FAM20C: variants seen among roughly 807,000 people sequenced by gnomAD.
FAM20C encodes the protein extracellular serine/threonine protein kinase FAM20C.
FAM20C carries 40 observed loss-of-function variants against 51.5 expected under a neutral mutation model. The ratio of observed to expected loss-of-function variants is 0.78; its 90% CI spans 0.60 to 1.01. The LOEUF (loss-of-function observed/expected upper bound fraction) is 1.01, where lower values mean the gene tolerates loss of function less well. Ranked by LOEUF, FAM20C falls within the 50% of genes least tolerant of loss-of-function variation. The probability of loss-of-function intolerance (pLI) is 0.00; values close to 1 mark genes in which losing one functional copy is unlikely to be tolerated. For synonymous variants in FAM20C, 406 were observed against 380.6 expected, an observed-to-expected ratio of 1.07 and a Z score of -0.78; for missense variants, 861 against 844.7, an observed-to-expected ratio of 1.02 and a Z score of -0.24.
chr7:217,430 T>TTAGGGTAGAGCTGCACTCCAGCCCCTCC (rs1583302465), intron 3 of FAM20C, among the ~76,000 whole-genome samples: 3 of 152,052 alleles, frequency 2.0e-5, no homozygotes, highest in African/African-American at 7.3e-5. Context: ...AGAGCTGCAT[T>TTAGGGTAGAGCTGCACTCCAGCCCCTCC]TGGCTGTTTG....
intron 3 of FAM20C, among the ~76,000 whole-genome samples, chr7:210,207 C>T (rs897012396): frequency 6.6e-6 from 1 of 151,908 alleles, no homozygotes; most frequent in African/African-American, 2.4e-5. Flanking sequence ...CCCCACGGGT[C>T]TCACGGCCCA....
At chr7:258,808 GGA>G in intron 9 of FAM20C, 103 bp downstream of exon 9, 1 of 1,120,528 alleles carries the variant, frequency 8.9e-7, no homozygotes, top group Middle Eastern at 2.9e-4. Context: ...CCATCACATG[GGA>G]GAGAAAAGGC....
In FAM20C at chr7:214,217, C is replaced by T. The variant is rs540663496; in HGVS notation, c.863+5241C>T. 3.1e-4 allele frequency among the ~76,000 whole-genome samples: 47 copies of T among 151,960 alleles called. No individual in the cohort carries two copies. In the East Asian group the frequency reaches 7.0e-3, roughly 23 times the overall value. On this transcript the variant is annotated intron_variant, in intron 3 of 9. Transcript: ENST00000313766. ...ATGCATGCCTGTAATCCCAGCTACTCGGGAGGCTGAGGCAGGAGAATCGCT... is the reference window on the plus strand; with the variant it reads ...ATGCATGCCTGTAATCCCAGCTACTTGGGAGGCTGAGGCAGGAGAATCGCT...
Position 259,911 on chromosome 7 carries a change from G to A in FAM20C, c.1686G>A (p.Glu562=). The A allele has an allele frequency of 6.5e-7, 1 of 1,535,358 alleles. No homozygotes were observed. The highest frequency in any genetic ancestry group is 8.7e-7 in the Non-Finnish European group (1 of 1,146,128). The change falls in exon 10 of 10, where the codon GAG becomes GAA. Residue 562 remains glutamate (E), a synonymous_variant. Transcript: ENST00000313766. The part of the protein sequence containing the change: ...VVLKAVRDCV[E]RNGLHSVVDD... ...TAAAGGCCGTCCGGGACTGCGTGGAGAGGAACGGGCTCCACAGCGTGGTGG... is the reference window on the plus strand; with the variant it reads ...TAAAGGCCGTCCGGGACTGCGTGGAAAGGAACGGGCTCCACAGCGTGGTGG...
Position 193,803 on chromosome 7 carries a change from T to G in FAM20C, c.604T>G (p.Trp202Gly), listed in dbSNP as rs794726946. 8.4e-6 allele frequency: 13 copies of G among 1,555,330 alleles called. No homozygotes were observed. Among genetic ancestry groups the G allele is most frequent in the African/African-American group, 1.4e-5 (1 of 73,390 alleles). Residue 202 changes from tryptophan (W) to glycine (G), a missense_variant and splice_region_variant, in exon 1 of 10, where the codon TGG (tryptophan) becomes GGG (glycine). Trp to Gly is a radical substitution (Grantham distance 184). This residue lies in a region of FAM20C where 561 missense variants were observed against 499.8 expected (regional missense o/e 1.12). Transcript: ENST00000313766. ...LSPKAAENPD[W>G]PHAGAEGAEF... ...CCCCAAAGCGGCGGAGAACCCGGAC[T>G]GGTGAGTGGGGGCTGGCAGGTGCCC... is the stretch of plus-strand genomic sequence containing the variant.
chr7:257,920 A>G (rs1309612348), intron 8 of FAM20C, among the ~76,000 whole-genome samples: 1 of 134,096 alleles, frequency 7.5e-6, no homozygotes, highest in Admixed American at 7.2e-5. Flanking sequence ...GGGTGGACAC[A>G]CTGCCTGGGG....
chr7:250,391 C>T (rs147023320), intron 5 of FAM20C, among the ~76,000 whole-genome samples: 57,513 of 151,946 alleles, frequency 0.38, 10,909 homozygotes, highest in Middle Eastern at 0.44. Context: ...GGGCTCCCTT[C>T]CCTGGCCCAC....
intron 2 of FAM20C, among the ~76,000 whole-genome samples, chr7:208,111 C>T (rs1786522043): frequency 1.3e-5 from 2 of 152,150 alleles, no homozygotes; most frequent in Admixed American, 1.3e-4. Flanking sequence ...CGGGAGGTGC[C>T]ACTCCCCGTT....
At chr7:255,202 C>G (rs368974092) in intron 5 of FAM20C, among the ~76,000 whole-genome samples, 2 of 152,222 alleles carry the variant, frequency 1.3e-5, no homozygotes, top group African/African-American at 2.4e-5. Flanking sequence ...GTGCACCCCC[C>G]GCCAGCAGCG....
intron 3 of FAM20C, among the ~76,000 whole-genome samples, chr7:235,370 C>T (rs1231273065): frequency 2.0e-5 from 3 of 152,110 alleles, no homozygotes; most frequent in Admixed American, 6.5e-5. Context: ...CAGTGGAGCC[C>T]GTGACATGAG....
Position 193,335 on chromosome 7 carries a change from T to A in FAM20C, c.136T>A (p.Cys46Ser). The change falls in exon 1 of 10, where the codon TGT becomes AGT. Residue 46 changes from cysteine (C) to serine (S), a missense_variant. By Grantham distance (112) the Cys-to-Ser change is moderately radical (BLOSUM62 -1). This residue lies in a region of FAM20C where 561 missense variants were observed against 499.8 expected (regional missense o/e 1.12). Coordinates refer to ENST00000313766, the MANE Select transcript of FAM20C (RefSeq NM_020223.4). ...RGARPSGEPG[C>S]SCAQPAAEVA... The stretch of plus-strand genomic sequence containing the variant: ...CGCGCGGCCCTCGGGGGAGCCCGGC[T>A]GTTCGTGCGCGCAGCCCGCCGCCGA... 7.5e-7 allele frequency: 1 copy of A among 1,337,902 alleles called. No individual in the cohort carries two copies. The highest frequency in any genetic ancestry group is 9.6e-7 in the Non-Finnish European group (1 of 1,037,522). 82.9% of individuals were successfully genotyped at this position (1,337,902 alleles called of 1,614,324 possible). A position where few individuals can be genotyped will look rare whatever the true frequency, so the allele number is the denominator to read the frequency against.
intron 5 of FAM20C, among the ~76,000 whole-genome samples, chr7:254,984 A>T (rs999155228): frequency 2.6e-5 from 4 of 151,252 alleles, no homozygotes; most frequent in African/African-American, 9.7e-5. Context: ...TGGCGTGTCC[A>T]CTCCTCTCTT....
At chr7:256,225 T>C (rs1013686601) in intron 6 of FAM20C, 196 bp downstream of exon 6, 12 of 732,708 alleles carry the variant, frequency 1.6e-5, no homozygotes, top group Non-Finnish European at 2.6e-5. Flanking sequence ...AGTATTTCCA[T>C]GTGCTTCCCT....
intron 2 of FAM20C, among the ~76,000 whole-genome samples, chr7:207,742 G>A (rs941975758): frequency 6.6e-6 from 1 of 152,236 alleles, no homozygotes; most frequent in Admixed American, 6.5e-5. Context: ...GGACCTACCG[G>A]TCCACAGCGC....
At position 250,386 on chromosome 7, in the gene FAM20C, CCCTT is replaced by C. The variant is rs1297427641; in HGVS notation, c.1072+1959_1072+1962del. ...CTCCACAGAGGCGGGAAGAAGGGCT[CCCTT>C]CCCTGGCCCACTGGTGCCTGGCCCT... is the stretch of plus-strand genomic sequence containing the variant. On this transcript the variant is annotated intron_variant, in intron 5 of 9. Transcript: ENST00000313766. Among the ~76,000 whole-genome samples the C allele has an allele frequency of 1.3e-5, 2 of 152,100 alleles. 1 individual carries two copies. The highest frequency in any genetic ancestry group is 4.8e-5 in the African/African-American group (2 of 41,396).
chr7:227,933 TC>T (rs1239120547), intron 3 of FAM20C: 2 of 155,222 alleles, frequency 1.3e-5, no homozygotes, highest in African/African-American at 4.8e-5. Context: ...GAGATGATTT[TC>T]CAGCCAAAGA....
At chr7:242,619 G>T (rs1004648143) in intron 3 of FAM20C, among the ~76,000 whole-genome samples, 2 of 152,096 alleles carry the variant, frequency 1.3e-5, no homozygotes, top group Admixed American at 6.5e-5. Context: ...GCCTCAGAAG[G>T]CCCCATTCTC....
Position 193,521 on chromosome 7 carries a change from G to A in FAM20C, c.322G>A (p.Glu108Lys), listed in dbSNP as rs760493570. The change falls in exon 1 of 10, where the codon GAG becomes AAG. Residue 108 changes from glutamate (E) to lysine (K), a missense_variant. Glu to Lys is a moderately conservative substitution (Grantham distance 56). Transcript: ENST00000313766. ...CTCCAACCTCTCGTCCCACTCGCTGGAGAAACTGCCGCCCGCGGCCGAGCC... is the reference window on the plus strand; with the variant it reads ...CTCCAACCTCTCGTCCCACTCGCTGAAGAAACTGCCGCCCGCGGCCGAGCC... ...PSSNLSSHSL[E>K]KLPPAAEPAE... 6.7e-7 allele frequency: 1 copy of A among 1,500,112 alleles called. No individual in the cohort carries two copies. The highest frequency in any genetic ancestry group is 2.2e-5 in the Admixed American group (1 of 46,328). 92.9% of individuals were successfully genotyped at this position (1,500,112 alleles called of 1,614,324 possible). A position where few individuals can be genotyped will look rare whatever the true frequency, so the allele number is the denominator to read the frequency against.
chr7:251,837 C>G (rs1043320410), intron 5 of FAM20C, among the ~76,000 whole-genome samples: 1 of 152,188 alleles, frequency 6.6e-6, no homozygotes, highest in African/African-American at 2.4e-5. Context: ...AAGACTTCCT[C>G]GGCCACCAGA....
Sources: allele counts gnomAD v4.1 joint callset (sites outside exome capture counted in the v4.1 genomes callset), GRCh38; gene constraint gnomAD v4.1.1; regional missense constraint gnomAD v4.1.1; transcripts MANE v1.5; gene names NCBI Gene and HGNC (gene_info 2026-07-23, HGNC 2026-07-21).